KLHL18: variants seen among roughly 807,000 people sequenced by gnomAD.
KLHL18 encodes the protein kelch like family member 18.
Under a neutral mutation model 58.5 loss-of-function variants are expected in KLHL18, and 38 were observed. That is an observed-to-expected ratio of 0.65 (90% CI 0.50 to 0.85). The LOEUF (loss-of-function observed/expected upper bound fraction) is 0.85. Among genes scored for constraint, KLHL18 ranks in the 40% least tolerant of loss-of-function variants. The probability of loss-of-function intolerance (pLI) is 0.00; values close to 1 mark genes in which losing one functional copy is unlikely to be tolerated. For missense variants in KLHL18, 624 were observed against 778.4 expected (o/e 0.80, Z 2.36); for synonymous variants, 303 against 301.9 (o/e 1.00, Z -0.04).
intron 8 of KLHL18, among the ~76,000 whole-genome samples, chr3:47,341,736 A>G (rs1704112801): frequency 6.6e-6 from 1 of 152,054 alleles, no homozygotes; most frequent in Non-Finnish European, 1.5e-5. Context: ...GGTGAAGCTG[A>G]AGGGTGGTTG....
chr3:47,287,358 TGTCTC>T (rs1702696044), intron 1 of KLHL18: 1 of 152,260 alleles, frequency 6.6e-6, no homozygotes. Context: ...GGTGATTCTC[TGTCTC>T]GTCTGTAAAA....
At chr3:47,343,468 G>A (rs569864571) in intron 9 of KLHL18, 87 bp from the exon 10 acceptor site, 9 of 1,472,576 alleles carry the variant, frequency 6.1e-6, no homozygotes, top group Non-Finnish European at 5.6e-6. Context: ...TTGACATCAT[G>A]GGGGGCTGCT....
intron 3 of KLHL18, among the ~76,000 whole-genome samples, chr3:47,326,862 G>A (rs1257073316): frequency 6.6e-6 from 1 of 151,576 alleles, no homozygotes; most frequent in African/African-American, 2.4e-5. Flanking sequence ...TGGAGGTTGC[G>A]GTGAGCCGAG....
chr3:47,292,767 G>A (rs971728097), intron 1 of KLHL18, among the ~76,000 whole-genome samples: 1 of 151,910 alleles, frequency 6.6e-6, no homozygotes, highest in South Asian at 2.1e-4. Flanking sequence ...TTAGCCAGGC[G>A]TGGTGGTATG....
At position 47,334,816 on chromosome 3, in the gene KLHL18, G is replaced by GAA. The variant is rs759944874; in HGVS notation, c.895_896insAA (p.Ala299GlufsTer6). The GAA allele has an allele frequency of 6.2e-7, 1 of 1,612,160 alleles. No individual in the cohort carries two copies. The highest frequency in any genetic ancestry group is 2.2e-5 in the East Asian group (1 of 44,848). On this transcript the variant is annotated frameshift_variant, in exon 6 of 10. Coordinates refer to ENST00000232766, the MANE Select transcript of KLHL18 (RefSeq NM_025010.5). LOFTEE classifies it high-confidence loss of function. The surrounding 1 kb of genome is among the most constrained non-coding windows in gnomAD (Gnocchi z 4.7). ...CTACGCTGTAGGGGGCCTCAACTCA[G>GAA]CAGGTACCTTGCGGCTCCCCTTTAT...
intron 1 of KLHL18, 111 bp downstream of exon 1, chr3:47,283,205 A>G (rs1576119522): frequency 4.5e-5 from 17 of 378,326 alleles, no homozygotes; most frequent in East Asian, 2.2e-4. Flanking sequence ...TGGGGAGAAG[A>G]GGTGTGAGGG....
rs117631883 is a variant in KLHL18 at position 47,298,415 on chromosome 3, G to A, written c.129+15321G>A. ...AGGGTTTGGATCTGACTTGTAGGCA[G>A]TAGGGAGCCCCCTAAAATGGGGACT... On this transcript the variant is annotated intron_variant, in intron 1 of 9. Transcript: ENST00000232766. 3.7e-3 allele frequency among the ~76,000 whole-genome samples: 563 copies of A among 151,374 alleles called. 25 individuals are homozygous for A. The East Asian group carries it at 0.089, about 24-fold the overall frequency.
chr3:47,333,673 A>G (rs1445024425), intron 5 of KLHL18, among the ~76,000 whole-genome samples: 1 of 152,220 alleles, frequency 6.6e-6, no homozygotes, highest in Non-Finnish European at 1.5e-5. Flanking sequence ...AGTGGCGCAA[A>G]TGGGACTTCC....
At chr3:47,327,108 G>A (rs1471607594) in intron 3 of KLHL18, among the ~76,000 whole-genome samples, 1 of 151,110 alleles carries the variant, frequency 6.6e-6, no homozygotes, top group Non-Finnish European at 1.5e-5. Flanking sequence ...CCGTGGTGGC[G>A]CACGCCTGTA....
Position 47,282,957 on chromosome 3 carries a change from C to T in KLHL18, c.-9C>T. 1.2e-6 allele frequency: 2 copies of T among 1,607,696 alleles called. No homozygotes were observed. Among genetic ancestry groups the T allele is most frequent in the African/African-American group, 1.3e-5 (1 of 74,938 alleles). ...GGCGAGGCCTGCGCAGTTGCAGCGG[C>T]CGGGGAAGATGGTGGAGGACGGCGC... On this transcript the variant is annotated 5_prime_UTR_variant, in exon 1 of 10. Transcript: ENST00000232766.
At chr3:47,283,217 G>T in intron 1 of KLHL18, 123 bp downstream of exon 1, 1 of 773,578 alleles carries the variant, frequency 1.3e-6, no homozygotes, top group South Asian at 1.8e-5. Flanking sequence ...GTGTGAGGGG[G>T]GCCGAGTAGT....
intron 1 of KLHL18, among the ~76,000 whole-genome samples, chr3:47,298,079 G>A (rs1175578202): frequency 6.6e-6 from 1 of 152,010 alleles, no homozygotes; most frequent in Non-Finnish European, 1.5e-5. Flanking sequence ...AGTCATGGTG[G>A]GGGATAAAAC....
At chr3:47,326,055 C>T (rs1010506293) in intron 3 of KLHL18, among the ~76,000 whole-genome samples, 1 of 152,210 alleles carries the variant, frequency 6.6e-6, no homozygotes, top group African/African-American at 2.4e-5. Context: ...TCAAGCGATT[C>T]TCCTGCCTCA....
intron 2 of KLHL18, among the ~76,000 whole-genome samples, chr3:47,321,373 A>G (rs1703584004): frequency 6.7e-6 from 1 of 148,968 alleles, no homozygotes; most frequent in African/African-American, 2.5e-5. Context: ...TTGAGATGGA[A>G]TCTCACTCTG....
chr3:47,318,617 A>G (rs941458517), intron 1 of KLHL18, among the ~76,000 whole-genome samples: 6 of 152,242 alleles, frequency 3.9e-5, no homozygotes, highest in Non-Finnish European at 7.3e-5. Flanking sequence ...GTCAACAAGT[A>G]ATATGTAAGC....
intron 6 of KLHL18, among the ~76,000 whole-genome samples, chr3:47,335,250 A>T (rs1703958194): frequency 6.6e-6 from 1 of 152,182 alleles, no homozygotes; most frequent in African/African-American, 2.4e-5. Context: ...CAGGCTATTC[A>T]CATTTTGTCA....
chr3:47,303,690 G>T (rs1178755664), intron 1 of KLHL18, among the ~76,000 whole-genome samples: 1 of 152,114 alleles, frequency 6.6e-6, no homozygotes, highest in African/African-American at 2.4e-5. Flanking sequence ...CCTGTCTTGG[G>T]ATTATAGGCA....
chr3:47,308,235 T>G (rs978736357), intron 1 of KLHL18, among the ~76,000 whole-genome samples: 6 of 151,804 alleles, frequency 4.0e-5, no homozygotes, highest in Admixed American at 1.3e-4. Context: ...TTTTCCTGGG[T>G]GCAGGCATTT....
At chr3:47,286,549 G>T (rs1702680218) in intron 1 of KLHL18, among the ~76,000 whole-genome samples, 1 of 152,168 alleles carries the variant, frequency 6.6e-6, no homozygotes, top group Non-Finnish European at 1.5e-5. Context: ...AGAATCACCT[G>T]GTGGCCTTGT....
Sources: allele counts gnomAD v4.1 joint callset (sites outside exome capture counted in the v4.1 genomes callset), GRCh38; gene constraint gnomAD v4.1.1; non-coding constraint Gnocchi (gnomAD v3.1); transcripts MANE v1.5; gene names NCBI Gene and HGNC (gene_info 2026-07-23, HGNC 2026-07-21).